DLGAP2: variants seen among roughly 807,000 people sequenced by gnomAD.
DLGAP2 encodes disks large-associated protein 2.
Under a neutral mutation model 100.3 loss-of-function variants are expected in DLGAP2, and 26 were observed. The observed-to-expected ratio is 0.26, with a 90% CI of 0.19 to 0.36. The LOEUF (loss-of-function observed/expected upper bound fraction) is 0.36, where lower values mean the gene tolerates loss of function less well. Among genes scored for constraint, DLGAP2 ranks in the 10% least tolerant of loss-of-function variants. DLGAP2 has a pLI of 1.00. For missense variants in DLGAP2, 1,858 were observed against 1,453.2 expected (o/e 1.28, Z -4.53); for synonymous variants, 886 against 630.1 (o/e 1.41, Z -6.08).
rs771071660 is a variant in DLGAP2, at chr8:1,548,856, T to A, written c.403T>A (p.Cys135Ser). 1 of 1,583,930 alleles carries A rather than the reference T, an allele frequency of 6.3e-7. No homozygotes were observed. The highest frequency in any genetic ancestry group is 1.7e-5 in the Admixed American group (1 of 58,994). ...ADSCPGGRHR[C>S]SPRSSVHSEC... Reference sequence around the variant, plus strand: ...CAGCTGCCCCGGGGGGCGCCACCGCTGCTCGCCGCGCAGCTCGGTGCACTC... The same window carrying A: ...CAGCTGCCCCGGGGGGCGCCACCGCAGCTCGCCGCGCAGCTCGGTGCACTC... Residue 135 changes from cysteine to serine, a missense_variant, in exon 5 of 15, where the codon TGC becomes AGC. Physicochemically the swap from Cys to Ser is moderately radical, Grantham distance 112 (BLOSUM62 -1). Transcript: ENST00000637795.
At chr8:817,697 G>C (rs1399962664) in intron 1 of DLGAP2, among the ~76,000 whole-genome samples, 6 of 152,168 alleles carry the variant, frequency 3.9e-5, no homozygotes, top group Admixed American at 6.5e-5. Context: ...TAGGTATGTG[G>C]CTTCCTGAGA....
At chr8:1,324,205 C>A (rs1490337204) in intron 3 of DLGAP2, among the ~76,000 whole-genome samples, 2 of 152,118 alleles carry the variant, frequency 1.3e-5, no homozygotes, top group Non-Finnish European at 2.9e-5. Flanking sequence ...TCAGTCTTTC[C>A]CAAATTAGGA....
chr8:1,167,041 T>G (rs1797030269), intron 2 of DLGAP2, among the ~76,000 whole-genome samples: 1 of 151,924 alleles, frequency 6.6e-6, no homozygotes, highest in Admixed American at 6.6e-5. Context: ...TAGGCTGAGG[T>G]GGGAGGATCG....
Position 1,013,597 on chromosome 8 carries a change from GCGCC to G in DLGAP2, c.73+105632_73+105635del, listed in dbSNP as rs1563144175. On this transcript the variant is annotated intron_variant, in intron 2 of 14. Coordinates refer to ENST00000637795, the MANE Select transcript of DLGAP2 (RefSeq NM_001346810.2). ...ACCTGGCCCAGCAAACGGACAGACG[GCGCC>G]TCCACTGTGTGTGTGACCAGGACAG... Among the ~76,000 whole-genome samples, 32 of 147,734 alleles carry G rather than the reference GCGCC, an allele frequency of 2.2e-4. 1 individual carries two copies. The highest frequency in any genetic ancestry group is 7.9e-4 in the African/African-American group (30 of 38,102).
chr8:1,683,954 GTATATATATATATATATATATATA>G (rs59220880), intron 12 of DLGAP2, among the ~76,000 whole-genome samples: 2 of 74,754 alleles, frequency 2.7e-5, no homozygotes, highest in Non-Finnish European at 4.6e-5. Flanking sequence ...ATATATGTGT[GTATATATATATATATATATATATA>G]TATATATATA....
chr8:748,633 G>A (rs1487167867), intron 1 of DLGAP2, among the ~76,000 whole-genome samples: 1 of 152,132 alleles, frequency 6.6e-6, no homozygotes, highest in East Asian at 1.9e-4. Flanking sequence ...ACATATATTG[G>A]GTGACATCCA....
intron 2 of DLGAP2, among the ~76,000 whole-genome samples, chr8:1,080,824 C>CT (rs1329791755): frequency 6.6e-6 from 1 of 152,200 alleles, no homozygotes; most frequent in Admixed American, 6.5e-5. Context: ...ACTCAGCGCT[C>CT]TGAGGAGTTG....
At chr8:833,956 C>A (rs17065331) in intron 1 of DLGAP2, among the ~76,000 whole-genome samples, 1 of 152,156 alleles carries the variant, frequency 6.6e-6, no homozygotes, top group South Asian at 2.1e-4. Flanking sequence ...CTCAGTGGGA[C>A]GAGAATTCGT....
At chr8:1,168,150 C>T (rs915528106) in intron 2 of DLGAP2, among the ~76,000 whole-genome samples, 6 of 148,914 alleles carry the variant, frequency 4.0e-5, no homozygotes, top group East Asian at 2.0e-4. Flanking sequence ...TTTGTTCTTG[C>T]CATAGTTTAC....
intron 1 of DLGAP2, among the ~76,000 whole-genome samples, chr8:777,340 G>A (rs1821550383): frequency 6.6e-6 from 1 of 151,910 alleles, no homozygotes; most frequent in African/African-American, 2.4e-5. Flanking sequence ...GGAGCATTTA[G>A]TCCATTTACA....
rs75890496 is a variant in DLGAP2, at chr8:1,056,323, G to A, written c.73+148357G>A. ...TCCCATAGTTTCACATAACTGTTCC[G>A]TGCATGTGGTGGAGGGTGGAATTCC... On this transcript the variant is annotated intron_variant, in intron 2 of 14. Coordinates refer to ENST00000637795, the MANE Select transcript of DLGAP2 (RefSeq NM_001346810.2). 2.6e-3 allele frequency among the ~76,000 whole-genome samples: 390 copies of A among 152,230 alleles called. 1 individual carries two copies. Among genetic ancestry groups the A allele is most frequent in the African/African-American group, 8.9e-3 (370 of 41,538 alleles).
chr8:818,738 A>C (rs985383497), intron 1 of DLGAP2, among the ~76,000 whole-genome samples: 1 of 152,252 alleles, frequency 6.6e-6, no homozygotes, highest in Non-Finnish European at 1.5e-5. Context: ...AAAGAAAATA[A>C]AGAGAAAATT....
chr8:1,068,644 A>ACAAGGACG (rs1377968492), intron 2 of DLGAP2, among the ~76,000 whole-genome samples: 1 of 148,550 alleles, frequency 6.7e-6, no homozygotes, highest in African/African-American at 2.6e-5. Context: ...AGATGAGGGA[A>ACAAGGACG]CAAGGACGGA....
chr8:945,549 C>G (rs1369430472), intron 2 of DLGAP2, among the ~76,000 whole-genome samples: 8 of 152,170 alleles, frequency 5.3e-5, no homozygotes, highest in Non-Finnish European at 1.2e-4. Context: ...CCTGCCCCAT[C>G]TTTGTCTCTT....
chr8:1,136,766 G>A (rs1796422791), intron 2 of DLGAP2, among the ~76,000 whole-genome samples: 1 of 152,258 alleles, frequency 6.6e-6, no homozygotes, highest in South Asian at 2.1e-4. Context: ...GGGAGCAGGA[G>A]CACACGGGGC....
At chr8:789,768 C>T (rs922386943) in intron 1 of DLGAP2, among the ~76,000 whole-genome samples, 3 of 152,196 alleles carry the variant, frequency 2.0e-5, no homozygotes, top group Non-Finnish European at 4.4e-5. Flanking sequence ...CCCTGCTTGG[C>T]AAAGCCGGCA....
intron 12 of DLGAP2, among the ~76,000 whole-genome samples, chr8:1,684,419 C>T (rs1008999661): frequency 6.6e-6 from 1 of 151,884 alleles, no homozygotes; most frequent in African/African-American, 2.4e-5. Flanking sequence ...ATTTTAGGAG[C>T]AGATACAGGG....
Position 1,113,398 on chromosome 8 carries a change from T to C in DLGAP2, c.74-145453T>C, listed in dbSNP as rs116336632. Among the ~76,000 whole-genome samples the C allele has an allele frequency of 7.7e-3, 1,171 of 152,354 alleles. 13 individuals are homozygous for C. The highest frequency in any genetic ancestry group is 0.027 in the African/African-American group (1,121 of 41,584). ...TTTGAGGAGCATTTGGTAATTCTCA[T>C]TGAAGAGATCTTTAACCTCCCTTGT... On this transcript the variant is annotated intron_variant, in intron 2 of 14. Coordinates refer to ENST00000637795, the MANE Select transcript of DLGAP2 (RefSeq NM_001346810.2).
At chr8:1,501,975 G>T (rs964145281) in intron 4 of DLGAP2, among the ~76,000 whole-genome samples, 2 of 152,180 alleles carry the variant, frequency 1.3e-5, no homozygotes, top group Non-Finnish European at 2.9e-5. Context: ...AGCAAAGCTG[G>T]TGCCATATTT....
Sources: gnomAD v4.1 joint callset for allele counts (sites outside exome capture counted in the v4.1 genomes callset) on GRCh38, gnomAD v4.1.1 for gene constraint, MANE v1.5 for transcripts, NCBI Gene and HGNC (gene_info 2026-07-23, HGNC 2026-07-21) for gene names.